FKBP15: variants seen among roughly 807,000 people sequenced by gnomAD.
FKBP15 encodes FK506-binding protein 15.
A neutral mutation model predicts 158.1 loss-of-function variants in FKBP15; 106 were observed. That is an observed-to-expected ratio of 0.67 (90% CI 0.57 to 0.79). The LOEUF (loss-of-function observed/expected upper bound fraction) is 0.79, where lower values mean the gene tolerates loss of function less well. Ranked by LOEUF, FKBP15 falls within the 30% of genes least tolerant of loss-of-function variation. FKBP15 has a pLI of 0.00. For synonymous variants in FKBP15, 547 were observed against 548.6 expected (o/e 1.00, Z 0.04); for missense variants, 1,287 against 1,479.1 (o/e 0.87, Z 2.13).
chr9:113,189,193 T>C (rs866967220), intron 12 of FKBP15, among the ~76,000 whole-genome samples: 1 of 152,206 alleles, frequency 6.6e-6, no homozygotes, highest in Admixed American at 6.5e-5. Context: ...ACTTTAGAAC[T>C]TCACCTTGTC....
At position 113,163,539 on chromosome 9, in the gene FKBP15, A is replaced by AATG. The variant is rs1830050599; in HGVS notation, c.*2536_*2538dup. 1 of 152,664 alleles carries AATG rather than the reference A, an allele frequency of 6.6e-6. No individual in the cohort carries two copies. Among genetic ancestry groups the AATG allele is most frequent in the African/African-American group, 2.4e-5 (1 of 41,452 alleles). The allele number at this position is 152,664 out of a possible 1,614,324, so 9.5% of individuals were successfully genotyped here. A position where few individuals can be genotyped will look rare whatever the true frequency, so the allele number is the denominator to read the frequency against. ...ATTCATACAAAAAAATTTTTAATGA[A>AATG]ATGATTTCATTGATTCATGATGGAT... is the stretch of plus-strand genomic sequence containing the variant. On this transcript the variant is annotated 3_prime_UTR_variant, in exon 28 of 28. Transcript: ENST00000238256.
At chr9:113,179,478 A>C (rs1316726308) in intron 19 of FKBP15, among the ~76,000 whole-genome samples, 2 of 152,284 alleles carry the variant, frequency 1.3e-5, no homozygotes, top group East Asian at 1.9e-4. Flanking sequence ...CCTGACCAAC[A>C]TGGTGAAACT....
At chr9:113,195,805 T>C (rs1459513729) in intron 9 of FKBP15, among the ~76,000 whole-genome samples, 2 of 152,188 alleles carry the variant, frequency 1.3e-5, no homozygotes, top group African/African-American at 4.8e-5. Context: ...AAACTATATA[T>C]ATTCATGTTA....
At chr9:113,196,000 G>A (rs1830671949) in intron 9 of FKBP15, among the ~76,000 whole-genome samples, 1 of 149,810 alleles carries the variant, frequency 6.7e-6, no homozygotes, top group African/African-American at 2.5e-5. Context: ...ATATGGATAT[G>A]TATATACGTA....
At chr9:113,212,489 G>A (rs1047313885) in intron 1 of FKBP15, among the ~76,000 whole-genome samples, 5 of 152,066 alleles carry the variant, frequency 3.3e-5, no homozygotes, top group Admixed American at 6.6e-5. Flanking sequence ...AGGCCCATCC[G>A]ATCACCAACA....
rs146589205 is a variant in FKBP15, at chr9:113,211,359, A to G, written c.169+118T>C. 3,805 of 679,124 alleles carry G rather than the reference A, an allele frequency of 5.6e-3. 127 individuals carry two copies. The African/African-American group carries it at 0.064, about 11-fold the overall frequency. 42.1% of individuals were successfully genotyped at this position (679,124 alleles called of 1,614,324 possible). On this transcript the variant is annotated intron_variant, in intron 2 of 27. Transcript: ENST00000238256. ...TTTTTTTTAGAGATGGGGTTTTGCC[A>G]TCTTGGCCAGGCTGGTCTCAAACTC...
intron 21 of FKBP15, among the ~76,000 whole-genome samples, chr9:113,175,563 A>G (rs1028879357): frequency 5.9e-5 from 9 of 152,204 alleles, no homozygotes; most frequent in African/African-American, 2.2e-4. Flanking sequence ...CACTTTGTTC[A>G]CTTAGTATTT....
intron 27 of FKBP15, among the ~76,000 whole-genome samples, chr9:113,166,816 C>T (rs757166728): frequency 6.6e-6 from 1 of 152,178 alleles, no homozygotes; most frequent in Non-Finnish European, 1.5e-5. Flanking sequence ...CCTCTCTTTT[C>T]ACAGCTTGAG....
In FKBP15 at chr9:113,163,497, A is replaced by G. The variant is rs900929591; in HGVS notation, c.*2581T>C. 1.3e-5 allele frequency: 2 copies of G among 152,626 alleles called. No individual in the cohort carries two copies. Among genetic ancestry groups the G allele is most frequent in the Non-Finnish European group, 2.9e-5 (2 of 68,048 alleles). The allele number at this position is 152,626 out of a possible 1,614,324, so 9.5% of individuals were successfully genotyped here. A position where few individuals can be genotyped will look rare whatever the true frequency, so the allele number is the denominator to read the frequency against. ...TTTTTATTTTTCCCATTGAACTCCT[A>G]GTTGGCAATTTTGCACATTCATACA... On this transcript the variant is annotated 3_prime_UTR_variant, in exon 28 of 28. Coordinates refer to ENST00000238256, the MANE Select transcript of FKBP15 (RefSeq NM_015258.2).
chr9:113,190,409 A>G, intron 12 of FKBP15, 62 bp downstream of exon 12: 1 of 1,343,872 alleles, frequency 7.4e-7, no homozygotes, highest in Non-Finnish European at 1.0e-6. Context: ...CTCCAACCAA[A>G]TGAAAAGAAA....
Position 113,178,643 on chromosome 9 carries a change from C to T in FKBP15, c.2073G>A (p.Gln691=), listed in dbSNP as rs577461675. 16 of 1,609,632 alleles carry T rather than the reference C, an allele frequency of 9.9e-6. No individual in the cohort carries two copies. In the South Asian group the frequency reaches 1.7e-4, roughly 17 times the overall value. Residue 691 remains glutamine, a synonymous_variant, in exon 20 of 28, where the codon CAG becomes CAA. Coordinates refer to ENST00000238256, the MANE Select transcript of FKBP15 (RefSeq NM_015258.2). The part of the protein sequence containing the change: ...DLLRGQLTKV[Q]AKLSELQETS... ...CCTAGCACATACCTGAGAGCTTTGCCTGCACTTTGGTGAGCTGGCCCCTGA... is the reference window on the plus strand; with the variant it reads ...CCTAGCACATACCTGAGAGCTTTGCTTGCACTTTGGTGAGCTGGCCCCTGA...
At chr9:113,171,503 T>C in intron 24 of FKBP15, 78 bp downstream of exon 24, 2 of 1,501,404 alleles carry the variant, frequency 1.3e-6, no homozygotes, top group Non-Finnish European at 9.0e-7. Flanking sequence ...AAAAGAGCTA[T>C]TAACACAACA....
rs1128150 is a variant in FKBP15, at chr9:113,165,577, A to G, written c.*501T>C. On this transcript the variant is annotated 3_prime_UTR_variant, in exon 28 of 28. Coordinates refer to ENST00000238256, the MANE Select transcript of FKBP15 (RefSeq NM_015258.2). ...ATTTTCAAAGTCATTGACCTCTTGTATCAGATTTAAGGCAAAGAAGAAGAT... is the reference window on the plus strand; with the variant it reads ...ATTTTCAAAGTCATTGACCTCTTGTGTCAGATTTAAGGCAAAGAAGAAGAT... The G allele has an allele frequency of 0.071, 10,769 of 152,376 alleles. 470 individuals carry two copies. The highest frequency in any genetic ancestry group is 0.13 in the South Asian group (650 of 4,826). 9.4% of individuals were successfully genotyped at this position (152,376 alleles called of 1,614,324 possible).
chr9:113,202,555 C>T lies in FKBP15; in HGVS notation c.474G>A (p.Lys158=), dbSNP rs932427970. The T allele has an allele frequency of 3.2e-6, 5 of 1,582,902 alleles. No individual in the cohort carries two copies. Among genetic ancestry groups the T allele is most frequent in the Non-Finnish European group, 4.3e-6 (5 of 1,163,304 alleles). ...CCTGCTTATTGAACTCCACAGCAGCCTTTTCCGACTCAAACATGATGGACC... is the reference window on the plus strand; with the variant it reads ...CCTGCTTATTGAACTCCACAGCAGCTTTTTCCGACTCAAACATGATGGACC... ...QNWSIMFESE[K]AAVEFNKQVC... Residue 158 remains lysine, a synonymous_variant, in exon 6 of 28, where the codon AAG becomes AAA. Coordinates refer to ENST00000238256, the MANE Select transcript of FKBP15 (RefSeq NM_015258.2).
intron 9 of FKBP15, among the ~76,000 whole-genome samples, chr9:113,194,470 T>C (rs546734024): frequency 6.6e-6 from 1 of 151,216 alleles, no homozygotes; most frequent in Admixed American, 6.6e-5. Flanking sequence ...AAAGAGTCAT[T>C]GCAGGTGGAA....
intron 10 of FKBP15, 79 bp downstream of exon 10, chr9:113,193,948 C>G: frequency 7.0e-7 from 1 of 1,428,022 alleles, no homozygotes; most frequent in Non-Finnish European, 9.3e-7. Flanking sequence ...TAGTTTTTAA[C>G]TATATCTCTA....
chr9:113,167,743 A>G (rs1037381972), intron 27 of FKBP15, among the ~76,000 whole-genome samples: 2 of 152,212 alleles, frequency 1.3e-5, no homozygotes, highest in African/African-American at 4.8e-5. Context: ...AGAGCAGTCA[A>G]AATGGCCTAG....
chr9:113,186,904 A>C (rs1195003239), intron 14 of FKBP15: 1 of 152,382 alleles, frequency 6.6e-6, no homozygotes, highest in Non-Finnish European at 1.5e-5. Flanking sequence ...GGACTAAATG[A>C]AGTGAGATAG....
chr9:113,184,974 G>A lies in FKBP15; in HGVS notation c.1499-170C>T, dbSNP rs1220176342. 6.6e-6 allele frequency among the ~76,000 whole-genome samples: 1 copy of A among 152,196 alleles called. No individual in the cohort carries two copies. Among genetic ancestry groups the A allele is most frequent in the East Asian group, 1.9e-4 (1 of 5,196 alleles). On this transcript the variant is annotated intron_variant, in intron 15 of 27. Coordinates refer to ENST00000238256, the MANE Select transcript of FKBP15 (RefSeq NM_015258.2). This position sits in a 1 kb window ranked among gnomAD's most constrained non-coding sequence, Gnocchi z 4.5. Reference sequence around the variant, plus strand: ...AGAAGATATATGGGAGAGAGTAGAGGCAAAAGGGCTTCAAAGTAAACAATA... The same window carrying A: ...AGAAGATATATGGGAGAGAGTAGAGACAAAAGGGCTTCAAAGTAAACAATA...
Sources: allele counts gnomAD v4.1 joint callset (sites outside exome capture counted in the v4.1 genomes callset), GRCh38; gene constraint gnomAD v4.1.1; non-coding constraint Gnocchi (gnomAD v3.1); transcripts MANE v1.5; gene names NCBI Gene and HGNC (gene_info 2026-07-23, HGNC 2026-07-21).